The following KALRN variants were observed in gnomAD, a reference collection of about 807,000 sequenced individuals.
The protein encoded by KALRN is kalirin RhoGEF kinase.
In KALRN, 70 loss-of-function variants were observed where a neutral mutation model predicts 353.7. The ratio of observed to expected loss-of-function variants is 0.20; its 90% confidence interval spans 0.16 to 0.24. KALRN has a LOEUF of 0.24. Ranked by LOEUF, KALRN falls within the 10% of genes least tolerant of loss-of-function variation. The pLI, the probability that KALRN is intolerant of heterozygous loss-of-function variation, is 1.00. For synonymous variants in KALRN, 1,391 were observed against 1,434.8 expected (o/e 0.97, Z 0.69); for missense variants, 2,791 against 3,756.7 (o/e 0.74, Z 6.72).
intron 1 of KALRN, among the ~76,000 whole-genome samples, chr3:124,106,528 C>T (rs576418728): frequency 1.1e-4 from 16 of 152,166 alleles, no homozygotes; most frequent in Non-Finnish European, 2.1e-4. Context: ...AAACTCACCT[C>T]CAAGGGCCAG....
chr3:124,565,360 G>A (rs2072675233), intron 34 of KALRN, among the ~76,000 whole-genome samples: 1 of 152,214 alleles, frequency 6.6e-6, no homozygotes, highest in African/African-American at 2.4e-5. Context: ...AGGAAACTCA[G>A]GAATCTGGTT....
chr3:124,502,875 A>G (rs779028279), intron 33 of KALRN, among the ~76,000 whole-genome samples: 2 of 152,214 alleles, frequency 1.3e-5, no homozygotes, highest in African/African-American at 2.4e-5. Flanking sequence ...TTAGCACTTC[A>G]CATGGTAATA....
At position 124,329,756 on chromosome 3, in the gene KALRN, G is replaced by A; in HGVS notation, c.1285-105G>A. 5 of 1,329,046 alleles carry A rather than the reference G, an allele frequency of 3.8e-6. No homozygotes were observed. In the East Asian group the frequency reaches 9.6e-5, roughly 26 times the overall value. The allele number at this position is 1,329,046 out of a possible 1,614,324, so 82.3% of individuals were successfully genotyped here. A position where few individuals can be genotyped will look rare whatever the true frequency, so the allele number is the denominator to read the frequency against. ...CTACAGTGGTCTCTGAAGGCTTTCA[G>A]AAGTCCTGATGTTTCTTCCCAAGGT... On this transcript the variant is annotated intron_variant, in intron 7 of 59. Transcript: ENST00000682506.
intron 4 of KALRN, 133 bp downstream of exon 4, chr3:124,264,823 C>A: frequency 1.3e-6 from 1 of 763,390 alleles, no homozygotes; most frequent in Non-Finnish European, 2.1e-6. Flanking sequence ...GATTCCTTGG[C>A]CGCCATGGCC....
intron 5 of KALRN, among the ~76,000 whole-genome samples, chr3:124,276,972 T>G (rs1415561151): frequency 6.6e-6 from 1 of 152,026 alleles, no homozygotes; most frequent in Non-Finnish European, 1.5e-5. Context: ...CACACATGTG[T>G]GCACACGTGC....
At chr3:124,067,734 G>A (rs1156998648) in intron 1 of KALRN, among the ~76,000 whole-genome samples, 1 of 152,220 alleles carries the variant, frequency 6.6e-6, no homozygotes, top group Non-Finnish European at 1.5e-5. Flanking sequence ...GGTAGGAGGT[G>A]CCTGTTCACA....
At chr3:124,094,814 T>A in intron 1 of KALRN, 1 of 1,610,248 alleles carries the variant, frequency 6.2e-7, no homozygotes, top group South Asian at 1.1e-5. Context: ...GGGGACTGGC[T>A]GTGAAGGATG....
chr3:124,069,847 C>T (rs1346177776), intron 1 of KALRN, among the ~76,000 whole-genome samples: 1 of 152,050 alleles, frequency 6.6e-6, no homozygotes, highest in African/African-American at 2.4e-5. Flanking sequence ...GAACATTTGA[C>T]CTAGGCCTGG....
intron 25 of KALRN, among the ~76,000 whole-genome samples, chr3:124,472,015 A>T (rs967278810): frequency 6.6e-6 from 1 of 150,858 alleles, no homozygotes; most frequent in East Asian, 1.9e-4. Flanking sequence ...GGCATTCCTC[A>T]TGAAAATTAT....
intron 1 of KALRN, among the ~76,000 whole-genome samples, chr3:124,035,459 TTCTTAGC>T: frequency 6.6e-6 from 1 of 152,162 alleles, no homozygotes; most frequent in Non-Finnish European, 1.5e-5. Context: ...AGTCTGCATT[TTCTTAGC>T]TCTGAGGGAA....
intron 9 of KALRN, among the ~76,000 whole-genome samples, chr3:124,341,282 C>G (rs2081677228): frequency 6.6e-6 from 1 of 152,198 alleles, no homozygotes; most frequent in African/African-American, 2.4e-5. Context: ...TGGCAAGGAG[C>G]CTGGGCTCAC....
intron 6 of KALRN, among the ~76,000 whole-genome samples, chr3:124,301,814 G>T (rs550954345): frequency 6.6e-6 from 1 of 152,078 alleles, no homozygotes; most frequent in Admixed American, 6.6e-5. Context: ...TCACTGCAGC[G>T]TTTCCGTTCT....
rs1485452420 is a variant in KALRN at position 124,717,402 on chromosome 3, A to G, written c.8415+17A>G. ...GACATAAAGGTAATAAGAAGTGGCAACCTGCTGGGCGCAGTGGCTCACGCC... is the reference window on the plus strand; with the variant it reads ...GACATAAAGGTAATAAGAAGTGGCAGCCTGCTGGGCGCAGTGGCTCACGCC... On this transcript the variant is annotated intron_variant, in intron 59 of 59. Transcript: ENST00000682506. 1.3e-6 allele frequency: 2 copies of G among 1,578,490 alleles called. No homozygotes were observed. Among genetic ancestry groups the G allele is most frequent in the Non-Finnish European group, 1.7e-6 (2 of 1,161,272 alleles).
intron 26 of KALRN, among the ~76,000 whole-genome samples, chr3:124,476,872 A>G (rs558330242): frequency 1.8e-4 from 28 of 152,348 alleles, no homozygotes; most frequent in South Asian, 1.7e-3. Context: ...TTCAGAGCAA[A>G]TGCTGTCCTT....
At chr3:124,165,886 C>T (rs1459824809) in intron 1 of KALRN, among the ~76,000 whole-genome samples, 1 of 152,168 alleles carries the variant, frequency 6.6e-6, no homozygotes, top group African/African-American at 2.4e-5. Flanking sequence ...TGGCCTCTTT[C>T]TCAAACCTCT....
At chr3:124,409,959 C>G (rs1412767927) in intron 13 of KALRN, among the ~76,000 whole-genome samples, 1 of 151,964 alleles carries the variant, frequency 6.6e-6, no homozygotes, top group African/African-American at 2.4e-5. Context: ...GGGAGGGCAG[C>G]CTTAGGAGGA....
intron 1 of KALRN, among the ~76,000 whole-genome samples, chr3:124,119,225 A>G (rs1317460987): frequency 6.6e-6 from 1 of 152,174 alleles, no homozygotes; most frequent in Non-Finnish European, 1.5e-5. Flanking sequence ...ACTGTTGCAC[A>G]GATGTGGTGC....
At chr3:124,232,349 A>G (rs996902262) in intron 2 of KALRN, among the ~76,000 whole-genome samples, 1 of 152,128 alleles carries the variant, frequency 6.6e-6, no homozygotes, top group Non-Finnish European at 1.5e-5. Flanking sequence ...CCCTCTCCTC[A>G]GTACCCTAAG....
rs530839075 is a variant in KALRN, at chr3:124,419,208, A to G, written c.2543-3604A>G. On this transcript the variant is annotated intron_variant, in intron 14 of 59. Transcript: ENST00000682506. ...TAAACACCTGTCAGTAAGATTTTAT[A>G]TTTACATTTTATACAAGCCATTCAA... Among the ~76,000 whole-genome samples, 3 of 151,864 alleles carry G rather than the reference A, an allele frequency of 2.0e-5. No individual in the cohort carries two copies. The South Asian group carries it at 6.3e-4, about 32-fold the overall frequency.
Sources: allele counts gnomAD v4.1 joint callset (sites outside exome capture counted in the v4.1 genomes callset), GRCh38; gene constraint gnomAD v4.1.1; transcripts MANE v1.5; gene names NCBI Gene and HGNC (gene_info 2026-07-23, HGNC 2026-07-21).